The following CORO2B variants were observed in gnomAD, a reference collection of about 807,000 sequenced individuals.
The protein encoded by CORO2B is coronin 2B.
A neutral mutation model predicts 58.8 loss-of-function variants in CORO2B; 26 were observed. The observed-to-expected ratio is 0.44, with a 90% confidence interval of 0.32 to 0.61. CORO2B has a LOEUF of 0.61. Ranked by LOEUF, CORO2B falls within the 20% of genes least tolerant of loss-of-function variation. The probability of loss-of-function intolerance (pLI) is 0.04; values close to 1 mark genes in which losing one functional copy is unlikely to be tolerated. For synonymous variants in CORO2B, 242 were observed against 253.8 expected, an observed-to-expected ratio of 0.95 and a Z score of 0.44; for missense variants, 460 against 645.1, an observed-to-expected ratio of 0.71 and a Z score of 3.11.
In CORO2B at chr15:68,580,824, T is replaced by TC. The variant is rs758525466; in HGVS notation, c.15+1551dup. On this transcript the variant is annotated intron_variant, in intron 1 of 11. Transcript: ENST00000261861. Reference sequence around the variant, plus strand: ...TAGCGCTGAGGATTAACTCAGCGCCTCCCCTGTGTCTCTTTTTGTGCGCGA... The same window carrying TC: ...TAGCGCTGAGGATTAACTCAGCGCCTCCCCCTGTGTCTCTTTTTGTGCGCGA... Among the ~76,000 whole-genome samples the TC allele has an allele frequency of 2.6e-5, 4 of 152,154 alleles. No individual in the cohort carries two copies. In the East Asian group the frequency reaches 7.8e-4, roughly 30 times the overall value.
At chr15:68,673,584 T>C (rs1428583000) in intron 2 of CORO2B, among the ~76,000 whole-genome samples, 1 of 152,018 alleles carries the variant, frequency 6.6e-6, no homozygotes, top group Admixed American at 6.6e-5. Flanking sequence ...ATGCCTGTAA[T>C]CCCAGCACTT....
chr15:68,538,994 C>T, the CORO2B span, among the ~76,000 whole-genome samples: 19 of 152,212 alleles, frequency 1.2e-4, no homozygotes, highest in Non-Finnish European at 2.8e-4. Flanking sequence ...GAACAGTAAT[C>T]ACACTTTTAC....
Position 68,725,850 on chromosome 15 carries a change from G to A in CORO2B, c.1319G>A (p.Arg440Gln), listed in dbSNP as rs555130626. The A allele has an allele frequency of 2.1e-5, 34 of 1,613,746 alleles. 1 individual carries two copies. The highest frequency in any genetic ancestry group is 4.5e-5 in the East Asian group (2 of 44,870). ...VPPRTENELLRMFFRQQDEIR... is the reference protein window; with the variant it reads ...VPPRTENELLQMFFRQQDEIR... ...TCTCTTCCTCCACCCCAGCTCCTTCGAATGTTCTTCCGGCAGCAGGATGAG... is the reference window on the plus strand; with the variant it reads ...TCTCTTCCTCCACCCCAGCTCCTTCAAATGTTCTTCCGGCAGCAGGATGAG... The change falls in exon 12 of 12, where the codon CGA (arginine) becomes CAA (glutamine). Residue 440 changes from arginine to glutamine, a missense_variant. Physicochemically the swap from Arg to Gln is conservative, Grantham distance 43. This residue lies in a region of CORO2B where 108 missense variants were observed against 102.1 expected (regional missense o/e 1.06). Coordinates refer to ENST00000261861, the MANE Select transcript of CORO2B (RefSeq NM_006091.5).
At chr15:68,545,606 G>T in the CORO2B span, among the ~76,000 whole-genome samples, 3 of 104,428 alleles carry the variant, frequency 2.9e-5, no homozygotes, top group African/African-American at 1.0e-4. Flanking sequence ...ACAGGAATGC[G>T]GGGGGCGGGG....
chr15:68,648,566 T>G (rs1028201793), intron 2 of CORO2B, among the ~76,000 whole-genome samples: 1 of 151,678 alleles, frequency 6.6e-6, no homozygotes, highest in African/African-American at 2.4e-5. Context: ...GGGAGAATGG[T>G]GTGAACCCAG....
chr15:68,719,385 G>C lies in CORO2B; in HGVS notation c.1172-28G>C, dbSNP rs544631720. Reference sequence around the variant, plus strand: ...CACCTGACAGTCCATGGGATCGTCAGTGAGAGCGTTTCCCTTGCCTTCTTT... The same window carrying C: ...CACCTGACAGTCCATGGGATCGTCACTGAGAGCGTTTCCCTTGCCTTCTTT... On this transcript the variant is annotated intron_variant, in intron 10 of 11. Coordinates refer to ENST00000261861, the MANE Select transcript of CORO2B (RefSeq NM_006091.5). 4.3e-6 allele frequency: 7 copies of C among 1,611,916 alleles called. No homozygotes were observed. In the East Asian group the frequency reaches 1.3e-4, roughly 31 times the overall value.
At chr15:68,604,559 G>T (rs1900061119) in intron 1 of CORO2B, among the ~76,000 whole-genome samples, 1 of 151,138 alleles carries the variant, frequency 6.6e-6, no homozygotes, top group African/African-American at 2.4e-5. Context: ...ATATGTGTGT[G>T]TCCTCCCCAG....
intron 1 of CORO2B, among the ~76,000 whole-genome samples, chr15:68,585,810 G>A (rs995207143): frequency 1.3e-5 from 2 of 152,160 alleles, no homozygotes; most frequent in Admixed American, 6.5e-5. Flanking sequence ...TAAATGATTC[G>A]GGGAAGGGTG....
intron 3 of CORO2B, among the ~76,000 whole-genome samples, chr15:68,697,698 C>G (rs1464653298): frequency 6.6e-6 from 1 of 152,176 alleles, no homozygotes; most frequent in Non-Finnish European, 1.5e-5. Flanking sequence ...GGTCAGGGGT[C>G]AGGACATAGG....
At chr15:68,626,503 C>G (rs760416261) in intron 1 of CORO2B, among the ~76,000 whole-genome samples, 6 of 152,176 alleles carry the variant, frequency 3.9e-5, no homozygotes, top group Admixed American at 2.0e-4. Flanking sequence ...AGGTGTTCTC[C>G]CCTGGGCCCT....
At chr15:68,623,493 C>T (rs1266780032) in intron 1 of CORO2B, among the ~76,000 whole-genome samples, 1 of 151,926 alleles carries the variant, frequency 6.6e-6, no homozygotes, top group East Asian at 1.9e-4. Flanking sequence ...ACCCCCACCC[C>T]ACCCCATCCC....
At chr15:68,566,558 G>A in the CORO2B span, among the ~76,000 whole-genome samples, 9 of 152,090 alleles carry the variant, frequency 5.9e-5, no homozygotes, top group African/African-American at 9.7e-5. Flanking sequence ...GATACCCGGC[G>A]GACTCTTCAT....
At chr15:68,689,364 C>A (rs904727751) in intron 2 of CORO2B, among the ~76,000 whole-genome samples, 1 of 151,708 alleles carries the variant, frequency 6.6e-6, no homozygotes, top group Non-Finnish European at 1.5e-5. Flanking sequence ...TGTGAGCCGA[C>A]CATCTGAACA....
intron 9 of CORO2B, 96 bp downstream of exon 9, chr15:68,718,906 A>G: frequency 8.8e-7 from 1 of 1,131,796 alleles, no homozygotes; most frequent in Non-Finnish European, 1.3e-6. Flanking sequence ...CAGGTGAGAG[A>G]TGTGCTGTGA....
intron 2 of CORO2B, among the ~76,000 whole-genome samples, chr15:68,669,253 A>G (rs1902307052): frequency 6.6e-6 from 1 of 152,248 alleles, no homozygotes; most frequent in South Asian, 2.1e-4. Context: ...AGCCCTGTTC[A>G]CGCCCAGACC....
At chr15:68,627,399 C>G (rs4776412) in intron 1 of CORO2B, among the ~76,000 whole-genome samples, 25,170 of 151,938 alleles carry the variant, frequency 0.17, 2,337 homozygotes, top group African/African-American at 0.25. Context: ...CAGGTGGGTC[C>G]CCAGGAAGAA....
At position 68,605,729 on chromosome 15, in the gene CORO2B, T is replaced by G. The variant is rs1056244014; in HGVS notation, c.15+26452T>G. The stretch of plus-strand genomic sequence containing the variant: ...CTCTTGGGTTTTTTTTTTTTTTTTT[T>G]TTTTTTTTTTTGAGATGGAGTCTCG... On this transcript the variant is annotated intron_variant, in intron 1 of 11. Transcript: ENST00000261861. Among the ~76,000 whole-genome samples the G allele has an allele frequency of 2.3e-4, 32 of 141,370 alleles. 1 individual carries two copies. The highest frequency in any genetic ancestry group is 6.5e-3 in the Middle Eastern group (2 of 308). The allele number at this position is 141,370 out of a possible 152,430, so 92.7% of individuals were successfully genotyped here.
chr15:68,616,313 T>C (rs1900356436), intron 1 of CORO2B, among the ~76,000 whole-genome samples: 1 of 152,198 alleles, frequency 6.6e-6, no homozygotes, highest in African/African-American at 2.4e-5. Context: ...GGGCAGGAAA[T>C]GTATAGCTTT....
chr15:68,642,125 C>T (rs1321881676), intron 1 of CORO2B, among the ~76,000 whole-genome samples: 2 of 149,896 alleles, frequency 1.3e-5, no homozygotes, highest in South Asian at 2.1e-4. Flanking sequence ...CAACCTCTGC[C>T]GTCTGGGTTC....
Sources: gnomAD v4.1 joint callset for allele counts (sites outside exome capture counted in the v4.1 genomes callset) on GRCh38, gnomAD v4.1.1 for gene constraint, gnomAD v4.1.1 regional missense constraint, MANE v1.5 for transcripts, NCBI Gene and HGNC (gene_info 2026-07-23, HGNC 2026-07-21) for gene names.